The following RNF217 variants were observed in gnomAD, a reference collection of about 807,000 sequenced individuals.
RNF217 encodes E3 ubiquitin-protein ligase RNF217.
In RNF217, 31 loss-of-function variants were observed where a neutral mutation model predicts 57.8. The observed-to-expected ratio is 0.54, with a 90% CI of 0.40 to 0.72. The LOEUF (loss-of-function observed/expected upper bound fraction) is 0.72, where lower values mean the gene tolerates loss of function less well. RNF217 is among the 30% of genes least tolerant of loss of function. The pLI is 0.00. For synonymous variants in RNF217, 313 were observed against 294.0 expected (o/e 1.06, Z -0.66); for missense variants, 696 against 708.3 (o/e 0.98, Z 0.20).
intron 3 of RNF217, among the ~76,000 whole-genome samples, chr6:125,061,669 GTTT>G (rs1300456320): frequency 5.3e-5 from 8 of 150,396 alleles, no homozygotes; most frequent in Non-Finnish European, 1.0e-4. Context: ...GTATTGTTTA[GTTT>G]TTTTATTTTT....
intron 3 of RNF217, among the ~76,000 whole-genome samples, chr6:125,066,266 C>T (rs997249322): frequency 3.3e-5 from 5 of 152,178 alleles, no homozygotes; most frequent in African/African-American, 9.6e-5. Context: ...AAACATAACG[C>T]AGATTACATC....
rs1185476385 is a variant in RNF217, at chr6:125,088,607, A to T, written c.*5670A>T. On this transcript the variant is annotated 3_prime_UTR_variant, in exon 6 of 6. Coordinates refer to ENST00000521654, the MANE Select transcript of RNF217 (RefSeq NM_001286398.3). ...AATGTAATTATGCATGTTACAAACT[A>T]TATATATCTTTTTGGCTAGAGAAGT... 1 of 152,180 alleles carries T rather than the reference A, an allele frequency of 6.6e-6. No homozygotes were observed. The highest frequency in any genetic ancestry group is 1.5e-5 in the Non-Finnish European group (1 of 68,026). The allele number at this position is 152,180 out of a possible 1,614,324, so 9.4% of individuals were successfully genotyped here.
Position 125,005,235 on chromosome 6 carries a change from G to A in RNF217, c.883-39976G>A, listed in dbSNP as rs576190454. 3.3e-5 allele frequency among the ~76,000 whole-genome samples: 5 copies of A among 152,280 alleles called. No homozygotes were observed. In the South Asian group the frequency reaches 1.0e-3, roughly 32 times the overall value. ...GTATGTTAGGTTTATAACTACTATGGAAAGGACTGATGTAAACTCAGCCTC... is the reference window on the plus strand; with the variant it reads ...GTATGTTAGGTTTATAACTACTATGAAAAGGACTGATGTAAACTCAGCCTC... On this transcript the variant is annotated intron_variant, in intron 1 of 5. Coordinates refer to ENST00000521654, the MANE Select transcript of RNF217 (RefSeq NM_001286398.3).
At chr6:125,004,809 T>C (rs1212352872) in intron 1 of RNF217, among the ~76,000 whole-genome samples, 1 of 152,204 alleles carries the variant, frequency 6.6e-6, no homozygotes, top group African/African-American at 2.4e-5. Context: ...ACACAAACTA[T>C]ACAGGTTTTT....
At chr6:124,973,032 T>G (rs1460866698) in intron 1 of RNF217, among the ~76,000 whole-genome samples, 1 of 152,228 alleles carries the variant, frequency 6.6e-6, no homozygotes, top group Non-Finnish European at 1.5e-5. Context: ...ATGTTTAAGT[T>G]TATTCCACAA....
chr6:125,072,890 A>T, intron 3 of RNF217, among the ~76,000 whole-genome samples: 1 of 152,196 alleles, frequency 6.6e-6, no homozygotes, highest in East Asian at 1.9e-4. Context: ...CACGAGGATT[A>T]TCACTCAGGC....
At chr6:125,046,018 C>T (rs1787084393) in intron 2 of RNF217, among the ~76,000 whole-genome samples, 1 of 151,992 alleles carries the variant, frequency 6.6e-6, no homozygotes, top group Non-Finnish European at 1.5e-5. Flanking sequence ...AAACACAAAG[C>T]TGTGTACATA....
At chr6:125,068,460 A>C (rs181164388) in intron 3 of RNF217, among the ~76,000 whole-genome samples, 1 of 152,168 alleles carries the variant, frequency 6.6e-6, no homozygotes, top group African/African-American at 2.4e-5. Flanking sequence ...TACTGTCTTC[A>C]TACTTTCTAC....
chr6:125,052,129 C>A (rs1167427744), intron 2 of RNF217, among the ~76,000 whole-genome samples: 2 of 151,856 alleles, frequency 1.3e-5, no homozygotes, highest in Non-Finnish European at 2.9e-5. Flanking sequence ...AAGTATGAGT[C>A]CAGCTTGAAC....
intron 2 of RNF217, among the ~76,000 whole-genome samples, chr6:125,045,918 G>A (rs1787080772): frequency 6.6e-6 from 1 of 151,970 alleles, no homozygotes; most frequent in Non-Finnish European, 1.5e-5. Context: ...GGGGGCTATA[G>A]AGCAAATGTG....
intron 3 of RNF217, among the ~76,000 whole-genome samples, chr6:125,068,530 C>T (rs1468739359): frequency 1.3e-5 from 2 of 152,148 alleles, no homozygotes; most frequent in African/African-American, 4.8e-5. Flanking sequence ...CAATTGATTA[C>T]TCTCTGTCTA....
intron 3 of RNF217, among the ~76,000 whole-genome samples, chr6:125,068,964 A>G (rs1456125226): frequency 3.6e-4 from 55 of 152,120 alleles, no homozygotes; most frequent in Admixed American, 3.6e-3. Flanking sequence ...AAGCTGAAGG[A>G]GGGGAAAACT....
chr6:125,040,752 G>A (rs892913780), intron 1 of RNF217, among the ~76,000 whole-genome samples: 28 of 152,066 alleles, frequency 1.8e-4, no homozygotes, highest in Non-Finnish European at 2.8e-4. Flanking sequence ...CGATCAAGTC[G>A]GCTTCATCCC....
chr6:125,030,439 C>G (rs1373321801), intron 1 of RNF217, among the ~76,000 whole-genome samples: 1 of 152,124 alleles, frequency 6.6e-6, no homozygotes, highest in African/African-American at 2.4e-5. Flanking sequence ...TCTGTAAAAT[C>G]AAAAGCAAGC....
intron 1 of RNF217, among the ~76,000 whole-genome samples, chr6:124,972,832 A>G (rs1233270351): frequency 1.3e-5 from 2 of 152,004 alleles, no homozygotes; most frequent in Admixed American, 6.6e-5. Flanking sequence ...AACCCTCTTT[A>G]CTTAAGGTTA....
intron 1 of RNF217, among the ~76,000 whole-genome samples, chr6:124,991,847 G>A (rs1278886618): frequency 6.6e-6 from 1 of 152,054 alleles, no homozygotes; most frequent in East Asian, 1.9e-4. Flanking sequence ...AACTTTTAAG[G>A]GCTCTTGTGT....
intron 1 of RNF217, among the ~76,000 whole-genome samples, chr6:125,020,221 CAACA>C (rs918569956): frequency 4.6e-5 from 7 of 152,186 alleles, no homozygotes; most frequent in African/African-American, 1.4e-4. Context: ...TAGTGTATTT[CAACA>C]AACAAATACT....
In RNF217 at chr6:125,083,147, TA is replaced by T; in HGVS notation, c.*216del. ...TCCCTAAACAAATTGCTGCTGCTTT[TA>T]AAAAATGGTCACTTTCATAAACTAT... On this transcript the variant is annotated 3_prime_UTR_variant, in exon 6 of 6. Transcript: ENST00000521654. 1 of 437,684 alleles carries T rather than the reference TA, an allele frequency of 2.3e-6. No homozygotes were observed. Among genetic ancestry groups the T allele is most frequent in the Non-Finnish European group, 4.0e-6 (1 of 249,974 alleles). The allele number at this position is 437,684 out of a possible 1,614,324, so 27.1% of individuals were successfully genotyped here.
At position 124,968,333 on chromosome 6, in the gene RNF217, A is replaced by ATG. The variant is rs139179532; in HGVS notation, c.882+4922_882+4923dup. ...ACTTATCCTTCTGTGTGCAAAATGTATGTGTGTGTGTGTGTGCGTGCGTGT... is the reference window on the plus strand; with the variant it reads ...ACTTATCCTTCTGTGTGCAAAATGTATGTGTGTGTGTGTGTGTGCGTGCGTGT... On this transcript the variant is annotated intron_variant, in intron 1 of 5. Transcript: ENST00000521654. Among the ~76,000 whole-genome samples the ATG allele has an allele frequency of 3.2e-3, 487 of 150,842 alleles. 2 individuals carry two copies. Among genetic ancestry groups the ATG allele is most frequent in the African/African-American group, 1.0e-2 (411 of 41,202 alleles).
Sources: gnomAD v4.1 joint callset for allele counts (sites outside exome capture counted in the v4.1 genomes callset) on GRCh38, gnomAD v4.1.1 for gene constraint, MANE v1.5 for transcripts, NCBI Gene and HGNC (gene_info 2026-07-23, HGNC 2026-07-21) for gene names.